The following MAPKAP1 variants were observed in gnomAD, a reference collection of about 807,000 sequenced individuals.
MAPKAP1 encodes target of rapamycin complex 2 subunit MAPKAP1.
A neutral mutation model predicts 65.7 loss-of-function variants in MAPKAP1; 20 were observed. The ratio of observed to expected loss-of-function variants is 0.30; its 90% CI spans 0.21 to 0.44. The LOEUF is 0.44. Ranked by LOEUF, MAPKAP1 falls within the 20% of genes least tolerant of loss-of-function variation. MAPKAP1 has a pLI of 1.00. For synonymous variants in MAPKAP1, 222 were observed against 244.3 expected, an observed-to-expected ratio of 0.91 and a Z score of 0.85; for missense variants, 423 against 648.0, an observed-to-expected ratio of 0.65 and a Z score of 3.77.
At chr9:125,482,766 G>A (rs1363794895) in intron 9 of MAPKAP1, among the ~76,000 whole-genome samples, 1 of 152,092 alleles carries the variant, frequency 6.6e-6, no homozygotes, top group East Asian at 1.9e-4. Context: ...ATTAGGTGAG[G>A]ACTTAATGCA....
chr9:125,640,364 A>G (rs192292599), intron 4 of MAPKAP1, among the ~76,000 whole-genome samples: 1 of 152,098 alleles, frequency 6.6e-6, no homozygotes, highest in Non-Finnish European at 1.5e-5. Context: ...CGGCCTCCCA[A>G]AGTGCTGGGA....
At chr9:125,487,073 A>G (rs1854520444) in intron 8 of MAPKAP1, among the ~76,000 whole-genome samples, 2 of 152,222 alleles carry the variant, frequency 1.3e-5, no homozygotes, top group South Asian at 2.1e-4. Context: ...GCAGAGCTCA[A>G]TAAACATGTA....
At chr9:125,693,798 C>CAT (rs890785258) in intron 1 of MAPKAP1, among the ~76,000 whole-genome samples, 2 of 141,770 alleles carry the variant, frequency 1.4e-5, no homozygotes, top group African/African-American at 5.2e-5. Context: ...TATATACACA[C>CAT]ATATATATAC....
intron 9 of MAPKAP1, among the ~76,000 whole-genome samples, chr9:125,468,348 A>G (rs1339666100): frequency 2.0e-5 from 3 of 152,262 alleles, no homozygotes; most frequent in Non-Finnish European, 2.9e-5. Flanking sequence ...GAACCCCCCC[A>G]AACTATATGA....
intron 5 of MAPKAP1, among the ~76,000 whole-genome samples, chr9:125,578,056 C>T (rs1372323552): frequency 1.3e-5 from 2 of 152,000 alleles, no homozygotes; most frequent in Admixed American, 6.5e-5. Flanking sequence ...AAGAGGTAGA[C>T]ACGGGAGACT....
chr9:125,532,689 C>T (rs754343338), intron 7 of MAPKAP1, among the ~76,000 whole-genome samples: 2 of 152,218 alleles, frequency 1.3e-5, no homozygotes, highest in African/African-American at 2.4e-5. Flanking sequence ...ACATTAACCC[C>T]CTACAGTTGC....
chr9:125,582,813 A>C (rs991721945), intron 5 of MAPKAP1, among the ~76,000 whole-genome samples: 2 of 151,738 alleles, frequency 1.3e-5, no homozygotes, highest in Non-Finnish European at 2.9e-5. Flanking sequence ...AGTATTTCCC[A>C]CTCTTTTTGA....
intron 11 of MAPKAP1, among the ~76,000 whole-genome samples, chr9:125,444,298 C>T (rs1852612456): frequency 6.6e-6 from 1 of 152,220 alleles, no homozygotes; most frequent in African/African-American, 2.4e-5. Context: ...AGGTGCAGAG[C>T]AGCTGAGCGG....
chr9:125,456,121 A>G (rs1853152920), intron 10 of MAPKAP1, among the ~76,000 whole-genome samples: 1 of 148,634 alleles, frequency 6.7e-6, no homozygotes, highest in South Asian at 2.2e-4. Context: ...AACTATTCTT[A>G]TCTTGGTTTC....
At chr9:125,660,390 C>T (rs1441133463) in intron 3 of MAPKAP1, among the ~76,000 whole-genome samples, 2 of 152,106 alleles carry the variant, frequency 1.3e-5, no homozygotes, top group Non-Finnish European at 2.9e-5. Context: ...CTGAGCTGTA[C>T]ATTTAATATC....
chr9:125,557,480 G>C (rs147106068), intron 6 of MAPKAP1, among the ~76,000 whole-genome samples: 1 of 152,116 alleles, frequency 6.6e-6, no homozygotes, highest in Admixed American at 6.6e-5. Context: ...AATTCTGTTG[G>C]TAACATTGTA....
At chr9:125,542,650 T>C (rs1447963564) in intron 7 of MAPKAP1, among the ~76,000 whole-genome samples, 1 of 152,194 alleles carries the variant, frequency 6.6e-6, no homozygotes, top group Admixed American at 6.5e-5. Context: ...TTTCTTTTCT[T>C]CCCCATACCA....
At chr9:125,603,102 C>G (rs1285506351) in intron 4 of MAPKAP1, among the ~76,000 whole-genome samples, 1 of 151,488 alleles carries the variant, frequency 6.6e-6, no homozygotes, top group Non-Finnish European at 1.5e-5. Context: ...GAGACAGAGT[C>G]TCAATTATGT....
intron 4 of MAPKAP1, among the ~76,000 whole-genome samples, chr9:125,587,046 G>A (rs1831809742): frequency 6.6e-6 from 1 of 152,124 alleles, no homozygotes. Flanking sequence ...TGGGACAAGT[G>A]GATAGCCACA....
intron 7 of MAPKAP1, among the ~76,000 whole-genome samples, chr9:125,531,517 C>T (rs1490136875): frequency 2.0e-5 from 3 of 152,176 alleles, no homozygotes; most frequent in African/African-American, 7.2e-5. Flanking sequence ...ACTATGACCT[C>T]AAAGATGTTA....
chr9:125,701,726 A>C (rs1835604317), intron 1 of MAPKAP1, among the ~76,000 whole-genome samples: 1 of 152,248 alleles, frequency 6.6e-6, no homozygotes, highest in African/African-American at 2.4e-5. Flanking sequence ...ATACCACTTC[A>C]TACTATTGTG....
chr9:125,587,438 C>T (rs746070550), intron 4 of MAPKAP1, among the ~76,000 whole-genome samples: 5 of 152,050 alleles, frequency 3.3e-5, no homozygotes, highest in Admixed American at 2.0e-4. Flanking sequence ...TGATGGCAGG[C>T]GCCTGTATTG....
chr9:125,664,714 G>C (rs796131102), intron 3 of MAPKAP1, among the ~76,000 whole-genome samples: 50 of 55,264 alleles, frequency 9.0e-4, no homozygotes, highest in African/African-American at 2.6e-3. Flanking sequence ...AACAGAGCAA[G>C]ACTCACTCTC....
chr9:125,544,470 T>C (rs1830363290), intron 6 of MAPKAP1, among the ~76,000 whole-genome samples: 2 of 152,070 alleles, frequency 1.3e-5, no homozygotes, highest in Non-Finnish European at 1.5e-5. Context: ...AAAGGCTTCA[T>C]CTAGATTGGA....
Sources: gnomAD v4.1 joint callset for allele counts (sites outside exome capture counted in the v4.1 genomes callset) on GRCh38, gnomAD v4.1.1 for gene constraint, MANE v1.5 for transcripts, NCBI Gene and HGNC (gene_info 2026-07-23, HGNC 2026-07-21) for gene names.